The following MYO5B variants were observed in gnomAD, a reference collection of about 807,000 sequenced individuals.
MYO5B encodes the protein unconventional myosin-Vb.
Under a neutral mutation model 229.3 loss-of-function variants are expected in MYO5B, and 143 were observed. That is an observed-to-expected ratio of 0.62 (90% CI 0.54 to 0.72). The LOEUF (loss-of-function observed/expected upper bound fraction) is 0.72, where lower values mean the gene tolerates loss of function less well. Ranked by LOEUF, MYO5B falls within the 30% of genes least tolerant of loss-of-function variation. MYO5B has a pLI of 0.00. For missense variants in MYO5B, 2,321 were observed against 2,331.0 expected (o/e 1.00, Z 0.09); for synonymous variants, 918 against 885.2 (o/e 1.04, Z -0.66).
At chr18:50,189,491 T>C (rs1389508558) in intron 1 of MYO5B, among the ~76,000 whole-genome samples, 1 of 152,118 alleles carries the variant, frequency 6.6e-6, no homozygotes, top group African/African-American at 2.4e-5. Context: ...TTTTGCAGAG[T>C]GTCAATTCCC....
At chr18:49,830,994 T>C (rs1406844692) in intron 39 of MYO5B, among the ~76,000 whole-genome samples, 1 of 150,814 alleles carries the variant, frequency 6.6e-6, no homozygotes, top group East Asian at 2.0e-4. Context: ...AAAACCCTCA[T>C]ATTTTTGGTC....
intron 1 of MYO5B, among the ~76,000 whole-genome samples, chr18:50,162,154 T>A (rs886645358): frequency 6.6e-6 from 1 of 152,260 alleles, no homozygotes; most frequent in Non-Finnish European, 1.5e-5. Flanking sequence ...AAGAAAAAGC[T>A]ATTTCTCAAA....
At chr18:50,068,040 C>CAT (rs1441435698) in intron 1 of MYO5B, among the ~76,000 whole-genome samples, 12 of 70,262 alleles carry the variant, frequency 1.7e-4, no homozygotes, top group East Asian at 8.9e-4. Context: ...TATATACACA[C>CAT]ATATACACAC....
chr18:50,161,605 C>T (rs1023797644), intron 1 of MYO5B, among the ~76,000 whole-genome samples: 5 of 152,166 alleles, frequency 3.3e-5, no homozygotes, highest in East Asian at 3.9e-4. Flanking sequence ...ACATGCAGCC[C>T]GACCCTGCTA....
At chr18:49,855,563 T>C (rs1175725416) in intron 30 of MYO5B, among the ~76,000 whole-genome samples, 1 of 152,218 alleles carries the variant, frequency 6.6e-6, no homozygotes, top group Non-Finnish European at 1.5e-5. Context: ...ATAACCATGA[T>C]AGTAATAGAA....
intron 22 of MYO5B, among the ~76,000 whole-genome samples, chr18:49,884,697 G>T (rs2024624274): frequency 6.6e-6 from 1 of 152,102 alleles, no homozygotes; most frequent in Non-Finnish European, 1.5e-5. Context: ...GTGCGGCCTG[G>T]TTCCTGGACC....
chr18:50,129,758 G>A (rs1488888752), intron 1 of MYO5B, among the ~76,000 whole-genome samples: 2 of 152,158 alleles, frequency 1.3e-5, no homozygotes, highest in African/African-American at 4.8e-5. Context: ...CTTTTCAAGA[G>A]TGCCAAAGTT....
Position 49,863,254 on chromosome 18 carries a change from G to A in MYO5B, c.3917C>T (p.Ala1306Val), listed in dbSNP as rs886053876. 3 of 1,613,372 alleles carry A rather than the reference G, an allele frequency of 1.9e-6. No homozygotes were observed. The East Asian group carries it at 6.7e-5, about 36-fold the overall frequency. The change falls in exon 29 of 40, where the codon GCC (alanine) becomes GTC (valine). Residue 1306 changes from alanine to valine, a missense_variant. Ala to Val is a moderately conservative substitution (Grantham distance 64, BLOSUM62 0). Around this residue, in one of 2 missense-constraint regions of MYO5B, gnomAD observed 2,113 missense variants for 2,044.7 expected, o/e 1.03. Transcript: ENST00000285039. ...GTTTGTCTGGCAGACCCCGTGATAG[G>A]CCTCAATGGCATCCTCCTGGTCAAC... ...KHVDQEDAIE[A>V]YHGVCQTNSK...
intron 21 of MYO5B, among the ~76,000 whole-genome samples, chr18:49,898,256 A>G (rs1177371943): frequency 6.6e-6 from 1 of 152,246 alleles, no homozygotes; most frequent in East Asian, 1.9e-4. Context: ...ATGATTACAT[A>G]TAACGAATTT....
intron 16 of MYO5B, among the ~76,000 whole-genome samples, chr18:49,934,502 A>C (rs1787521): frequency 0.53 from 80,579 of 152,048 alleles, 21,729 homozygotes; most frequent in Middle Eastern, 0.71. Flanking sequence ...CACAGCAGGG[A>C]CACGCTCTGA....
rs770787160 is a variant in MYO5B, at chr18:49,962,406, G to T, written c.1405C>A (p.His469Asn). The change falls in exon 12 of 40, where the codon CAT becomes AAT. Residue 469 changes from histidine (H) to asparagine (N), a missense_variant and splice_region_variant. His to Asn is a moderately conservative substitution (Grantham distance 68). Transcript: ENST00000285039. ...TCTTCTTGCTCCAGTTTGAAAACAT[G>T]CTAGGGCAAGTAAAAAGGTCACACG... is the stretch of plus-strand genomic sequence containing the variant. ...NEKLQQQFNS[H>N]VFKLEQEEYM... 1.2e-6 allele frequency: 2 copies of T among 1,614,116 alleles called. No individual in the cohort carries two copies. The highest frequency in any genetic ancestry group is 1.7e-6 in the Non-Finnish European group (2 of 1,180,006).
intron 9 of MYO5B, among the ~76,000 whole-genome samples, chr18:49,978,684 C>T (rs1307983618): frequency 7.0e-6 from 1 of 143,274 alleles, no homozygotes; most frequent in Non-Finnish European, 1.5e-5. Flanking sequence ...GAAAGGTAGG[C>T]AGCAAGTAAT....
At chr18:50,055,529 C>G in intron 1 of MYO5B, 151 bp from the exon 2 acceptor site, 1 of 687,562 alleles carries the variant, frequency 1.5e-6, no homozygotes, top group East Asian at 2.7e-5. Context: ...ACAACGTGAT[C>G]CGATATCATG....
At chr18:50,129,963 C>A (rs78345887) in intron 1 of MYO5B, among the ~76,000 whole-genome samples, 113 of 152,286 alleles carry the variant, frequency 7.4e-4, no homozygotes, top group Middle Eastern at 6.8e-3. Context: ...GACCACCGCC[C>A]CACCTCCTGC....
Position 49,990,501 on chromosome 18 carries a change from T to G in MYO5B, c.776A>C (p.Tyr259Ser). 1 of 1,613,826 alleles carries G rather than the reference T, an allele frequency of 6.2e-7. No homozygotes were observed. Among genetic ancestry groups the G allele is most frequent in the Non-Finnish European group, 8.5e-7 (1 of 1,179,780 alleles). Residue 259 changes from tyrosine to serine, a missense_variant, in exon 7 of 40, where the codon TAC becomes TCC. Transcript: ENST00000285039. ...VVFQADDERN[Y>S]HIFYQLCAAA... is the part of the protein sequence containing the mutation. ...AGCACAGAGCTGGTAAAAGATGTGG[T>G]AATTCCTCTCATCATCTGCCTGGAG...
intron 6 of MYO5B, 102 bp from the exon 7 acceptor site, chr18:49,990,622 CCCCACTCTT>C (rs2025920998): frequency 1.1e-6 from 1 of 896,020 alleles, no homozygotes; most frequent in Non-Finnish European, 1.8e-6. Context: ...AGGCTGAGCC[CCCCACTCTT>C]CCCAGTGTTT....
intron 2 of MYO5B, among the ~76,000 whole-genome samples, chr18:50,046,497 T>A (rs1034609220): frequency 2.6e-5 from 4 of 152,170 alleles, no homozygotes; most frequent in African/African-American, 9.7e-5. Flanking sequence ...TCCAACTTCA[T>A]TGGCTGAAGG....
rs2023989293 is a variant in MYO5B, at chr18:49,836,597, T to TA, written c.5313+113dup. On this transcript the variant is annotated intron_variant, in intron 38 of 39. Transcript: ENST00000285039. ...CACTTCAAAATTGTCTCATTAGGGG[T>TA]ATATAAAGGGTGGGAGTGCAACACT... 2.5e-6 allele frequency: 3 copies of TA among 1,204,876 alleles called. No homozygotes were observed. In the Admixed American group the frequency reaches 5.4e-5, roughly 22 times the overall value. 74.6% of individuals were successfully genotyped at this position (1,204,876 alleles called of 1,614,324 possible). A position where few individuals can be genotyped will look rare whatever the true frequency, so the allele number is the denominator to read the frequency against.
intron 2 of MYO5B, among the ~76,000 whole-genome samples, chr18:50,052,999 T>C (rs1375796570): frequency 1.3e-5 from 2 of 152,126 alleles, no homozygotes; most frequent in Admixed American, 1.3e-4. Flanking sequence ...ACGAGGTTGG[T>C]TGGAAGAGGC....
Sources: gnomAD v4.1 joint callset for allele counts (sites outside exome capture counted in the v4.1 genomes callset) on GRCh38, gnomAD v4.1.1 for gene constraint, gnomAD v4.1.1 regional missense constraint, MANE v1.5 for transcripts, NCBI Gene and HGNC (gene_info 2026-07-23, HGNC 2026-07-21) for gene names.